GLP1R: variants seen among roughly 807,000 people sequenced by gnomAD.
GLP1R encodes the protein glucagon like peptide 1 receptor, also known as glucagon-like peptide 1 receptor.
Under a neutral mutation model 68.4 loss-of-function variants are expected in GLP1R, and 32 were observed. The ratio of observed to expected loss-of-function variants is 0.47; its 90% CI spans 0.35 to 0.63. The LOEUF is 0.63. Ranked by LOEUF, GLP1R falls within the 20% of genes least tolerant of loss-of-function variation. The pLI is 0.00. For missense variants in GLP1R, 502 were observed against 594.9 expected (o/e 0.84, Z 1.62); for synonymous variants, 263 against 244.4 (o/e 1.08, Z -0.71).
rs140051556 is a variant in GLP1R at position 39,069,400 on chromosome 6, G to A, written c.509+3097G>A. On this transcript the variant is annotated intron_variant, in intron 5 of 12. Coordinates refer to ENST00000373256, the MANE Select transcript of GLP1R (RefSeq NM_002062.5). Reference sequence around the variant, plus strand: ...TGTAATCCCAGCACTTTGGGAGGCCGAGGCAGGTGGATCATGCGGTCAGGA... The same window carrying A: ...TGTAATCCCAGCACTTTGGGAGGCCAAGGCAGGTGGATCATGCGGTCAGGA... Among the ~76,000 whole-genome samples the A allele has an allele frequency of 5.9e-3, 894 of 152,274 alleles. 6 individuals carry two copies. Among genetic ancestry groups the A allele is most frequent in the South Asian group, 0.028 (135 of 4,826 alleles).
chr6:39,065,845 G>T lies in GLP1R; in HGVS notation c.402+16G>T, dbSNP rs1425821568. On this transcript the variant is annotated intron_variant, in intron 4 of 12. Transcript: ENST00000373256. ...AGGGGAAAGAGTGAGTTGAGGCGGG[G>T]TTCTGAGCCAGGGAGCGGGGAGCCA... The T allele has an allele frequency of 6.6e-7, 1 of 1,504,336 alleles. No homozygotes were observed. The highest frequency in any genetic ancestry group is 1.4e-5 in the African/African-American group (1 of 73,076). The allele number at this position is 1,504,336 out of a possible 1,614,324, so 93.2% of individuals were successfully genotyped here.
At chr6:39,060,484 G>A (rs761446497) in intron 3 of GLP1R, among the ~76,000 whole-genome samples, 1 of 152,210 alleles carries the variant, frequency 6.6e-6, no homozygotes, top group Non-Finnish European at 1.5e-5. Flanking sequence ...ACCTGAGAAG[G>A]AAGGGACAAG....
rs116006141 is a variant in GLP1R at position 39,065,226 on chromosome 6, G to T, written c.284-485G>T. On this transcript the variant is annotated intron_variant, in intron 3 of 12. Transcript: ENST00000373256. The stretch of plus-strand genomic sequence containing the variant: ...ACTCAGTGCCAACCTTGTTCCCAGG[G>T]TCTGCTCTCCCCAAGGAGTGTGGGA... 2.7e-3 allele frequency among the ~76,000 whole-genome samples: 412 copies of T among 152,286 alleles called. 1 individual carries two copies. The highest frequency in any genetic ancestry group is 9.4e-3 in the African/African-American group (389 of 41,544).
intron 5 of GLP1R, among the ~76,000 whole-genome samples, chr6:39,067,164 G>A (rs1431525758): frequency 1.3e-5 from 2 of 152,142 alleles, no homozygotes; most frequent in Non-Finnish European, 2.9e-5. Flanking sequence ...TCAGAGGTAA[G>A]CCCTGAATGT....
intron 1 of GLP1R, among the ~76,000 whole-genome samples, chr6:39,054,209 C>G (rs1768157394): frequency 6.6e-6 from 1 of 152,106 alleles, no homozygotes; most frequent in South Asian, 2.1e-4. Flanking sequence ...CTCTCTCAGG[C>G]AGGGCTCCTG....
rs1422490672 is a variant in GLP1R, at chr6:39,086,202, C to CACACACAT, written c.*132_*133insCACATACA. The CACACACAT allele has an allele frequency of 1.2e-5, 6 of 493,102 alleles. No homozygotes were observed. The highest frequency in any genetic ancestry group is 8.3e-5 in the Admixed American group (2 of 23,954). The allele number at this position is 493,102 out of a possible 1,614,324, so 30.5% of individuals were successfully genotyped here. A position where few individuals can be genotyped will look rare whatever the true frequency, so the allele number is the denominator to read the frequency against. On this transcript the variant is annotated 3_prime_UTR_variant, in exon 13 of 13. Coordinates refer to ENST00000373256, the MANE Select transcript of GLP1R (RefSeq NM_002062.5). This position sits in a 1 kb window ranked among gnomAD's most constrained non-coding sequence, Gnocchi z 4.5. ...ACACACACACACACACACACACACA[C>CACACACAT]ACATACATCCTGCTTTCCCTCCCCA...
intron 5 of GLP1R, among the ~76,000 whole-genome samples, chr6:39,068,524 A>G (rs1768578460): frequency 6.6e-6 from 1 of 152,208 alleles, no homozygotes; most frequent in Admixed American, 6.5e-5. Flanking sequence ...GAGGCTCTCC[A>G]GGATATCCTT....
rs1769186023 is a variant in GLP1R, at chr6:39,087,750, A to C, written c.*1677A>C. On this transcript the variant is annotated 3_prime_UTR_variant, in exon 13 of 13. Transcript: ENST00000373256. ...AGAAAATTTCTTATACTTCAGCTTC[A>C]GTGAAGTGTTGTCTATGTTAATAGG... The C allele has an allele frequency of 6.6e-6, 1 of 152,210 alleles. No individual in the cohort carries two copies. Among genetic ancestry groups the C allele is most frequent in the Non-Finnish European group, 1.5e-5 (1 of 68,034 alleles). The allele number at this position is 152,210 out of a possible 1,614,324, so 9.4% of individuals were successfully genotyped here. A position where few individuals can be genotyped will look rare whatever the true frequency, so the allele number is the denominator to read the frequency against.
intron 1 of GLP1R, among the ~76,000 whole-genome samples, chr6:39,051,296 T>A (rs1768082342): frequency 6.6e-6 from 1 of 152,208 alleles, no homozygotes; most frequent in African/African-American, 2.4e-5. Flanking sequence ...ATTGAGACAC[T>A]GGCCCCTGAA....
At chr6:39,067,469 G>A (rs1040865757) in intron 5 of GLP1R, among the ~76,000 whole-genome samples, 3 of 152,162 alleles carry the variant, frequency 2.0e-5, no homozygotes, top group East Asian at 1.9e-4. Context: ...TCCTCACATG[G>A]CAGAGGGGCA....
intron 3 of GLP1R, among the ~76,000 whole-genome samples, chr6:39,060,679 C>T (rs1342860118): frequency 6.6e-6 from 1 of 152,212 alleles, no homozygotes; most frequent in Non-Finnish European, 1.5e-5. Flanking sequence ...CCCACTGGCC[C>T]AACCCAACAG....
intron 7 of GLP1R, 83 bp from the exon 8 acceptor site, chr6:39,078,239 T>G (rs1358990199): frequency 2.1e-6 from 2 of 971,280 alleles, no homozygotes; most frequent in Non-Finnish European, 3.4e-6. Context: ...GTGAGGGGCT[T>G]GGGGCAGGGA....
intron 5 of GLP1R, among the ~76,000 whole-genome samples, chr6:39,070,178 C>T (rs1396577716): frequency 6.6e-6 from 1 of 152,234 alleles, no homozygotes; most frequent in African/African-American, 2.4e-5. Context: ...ACTATCATTG[C>T]ATTAAGGATT....
At chr6:39,082,774 T>C (rs1162907621) in intron 12 of GLP1R, among the ~76,000 whole-genome samples, 1 of 152,086 alleles carries the variant, frequency 6.6e-6, no homozygotes, top group Non-Finnish European at 1.5e-5. Context: ...GGGTGGCATG[T>C]ATCCTGTGTG....
chr6:39,055,525 C>T (rs912057941), intron 1 of GLP1R, among the ~76,000 whole-genome samples: 7 of 152,162 alleles, frequency 4.6e-5, no homozygotes, highest in Admixed American at 1.3e-4. Context: ...AAAGCCATTT[C>T]GGTGACCTCA....
At chr6:39,069,492 G>A (rs984331309) in intron 5 of GLP1R, among the ~76,000 whole-genome samples, 14 of 152,242 alleles carry the variant, frequency 9.2e-5, no homozygotes, top group African/African-American at 3.4e-4. Flanking sequence ...AATTAGCTGG[G>A]TGCGGTGGCG....
Position 39,086,221 on chromosome 6 carries a change from C to G in GLP1R, c.*148C>G, listed in dbSNP as rs1030459496. ...CACACACACATACATCCTGCTTTCC[C>G]TCCCCAAACCCATCAGACAGGTAAA... On this transcript the variant is annotated 3_prime_UTR_variant, in exon 13 of 13. Transcript: ENST00000373256. The surrounding 1 kb of genome is among the most constrained non-coding windows in gnomAD (Gnocchi z 4.5). 1 of 635,862 alleles carries G rather than the reference C, an allele frequency of 1.6e-6. No individual in the cohort carries two copies. The highest frequency in any genetic ancestry group is 2.6e-6 in the Non-Finnish European group (1 of 379,702). 39.4% of individuals were successfully genotyped at this position (635,862 alleles called of 1,614,324 possible).
At chr6:39,077,816 T>C (rs1375818983) in intron 7 of GLP1R, among the ~76,000 whole-genome samples, 2 of 152,206 alleles carry the variant, frequency 1.3e-5, no homozygotes, top group African/African-American at 4.8e-5. Context: ...CTGTCTCCAT[T>C]CCAGGATTCT....
intron 12 of GLP1R, among the ~76,000 whole-genome samples, chr6:39,082,101 T>G (rs115999488): frequency 0.023 from 3,560 of 152,074 alleles, 125 homozygotes; most frequent in African/African-American, 0.081. Flanking sequence ...GCAGAGAAAA[T>G]GAGGCTGGGT....
Sources: allele counts gnomAD v4.1 joint callset (sites outside exome capture counted in the v4.1 genomes callset), GRCh38; gene constraint gnomAD v4.1.1; non-coding constraint Gnocchi (gnomAD v3.1); transcripts MANE v1.5; gene names NCBI Gene and HGNC (gene_info 2026-07-23, HGNC 2026-07-21).